Variants in FGFR1OP2 observed in about 807,000 individuals in gnomAD.
FGFR1OP2 encodes FGFR1 oncogene partner 2.
Under a neutral mutation model 35.2 loss-of-function variants are expected in FGFR1OP2, and 17 were observed. That is an observed-to-expected ratio of 0.48 (90% CI 0.33 to 0.73). The LOEUF (loss-of-function observed/expected upper bound fraction) is 0.73, where lower values mean the gene tolerates loss of function less well. FGFR1OP2 is among the 30% of genes least tolerant of loss of function. FGFR1OP2 has a pLI of 0.02. For synonymous variants in FGFR1OP2, 105 were observed against 104.6 expected (o/e 1.00, Z -0.03); for missense variants, 251 against 307.3 (o/e 0.82, Z 1.37).
chr12:26,957,882 T>G (rs1424922955), intron 4 of FGFR1OP2, 139 bp downstream of exon 4: 1 of 615,994 alleles, frequency 1.6e-6, no homozygotes, highest in Non-Finnish European at 2.5e-6. Context: ...TCTTTTTAAT[T>G]GACATTTTCT....
In FGFR1OP2 at chr12:26,960,555, T is replaced by G. The variant is rs1469340670; in HGVS notation, c.437T>G (p.Leu146Arg). 2 of 1,613,638 alleles carry G rather than the reference T, an allele frequency of 1.2e-6. No individual in the cohort carries two copies. Among genetic ancestry groups the G allele is most frequent in the East Asian group, 4.5e-5 (2 of 44,846 alleles). Residue 146 changes from leucine to arginine, a missense_variant, in exon 5 of 7, where the codon CTT (leucine) becomes CGT (arginine). Physicochemically the swap from Leu to Arg is moderately radical, Grantham distance 102. Coordinates refer to ENST00000229395, the MANE Select transcript of FGFR1OP2 (RefSeq NM_015633.3). ...VHRNKSEGFF[L>R]DASRHILEAP... ...CGTAACAAGTCCGAAGGATTCTTCC[T>G]TGATGCATCTCGACACATCCTTGAA...
At chr12:26,961,724 G>C (rs1019637858) in intron 5 of FGFR1OP2, 5 of 152,224 alleles carry the variant, frequency 3.3e-5, no homozygotes, top group African/African-American at 1.2e-4. Flanking sequence ...GCCAACAAGA[G>C]CGAGACTCTG....
intron 2 of FGFR1OP2, among the ~76,000 whole-genome samples, chr12:26,955,401 C>G (rs1939002827): frequency 6.6e-6 from 1 of 152,182 alleles, no homozygotes; most frequent in Admixed American, 6.5e-5. Flanking sequence ...TACACATTTG[C>G]AGGTTATGCA....
At chr12:26,963,831 T>TAAAA (rs1939137138) in intron 6 of FGFR1OP2, among the ~76,000 whole-genome samples, 1 of 152,116 alleles carries the variant, frequency 6.6e-6, no homozygotes, top group South Asian at 2.1e-4. Flanking sequence ...CTGGGGATTC[T>TAAAA]AAAAACCTTT....
intron 4 of FGFR1OP2, among the ~76,000 whole-genome samples, chr12:26,958,582 C>T (rs1411317266): frequency 6.6e-6 from 1 of 152,130 alleles, no homozygotes; most frequent in Non-Finnish European, 1.5e-5. Context: ...GAAGAACCAA[C>T]ATAGTAAAAT....
At chr12:26,941,149 G>A (rs1405906283) in intron 1 of FGFR1OP2, among the ~76,000 whole-genome samples, 4 of 151,894 alleles carry the variant, frequency 2.6e-5, no homozygotes, top group African/African-American at 4.8e-5. Flanking sequence ...ATTTGGACCC[G>A]CCTATAGAAA....
In FGFR1OP2 at chr12:26,965,668, A is replaced by G. The variant is rs1322541732; in HGVS notation, c.*935A>G. 1.3e-5 allele frequency: 2 copies of G among 152,156 alleles called. No homozygotes were observed. The highest frequency in any genetic ancestry group is 6.6e-5 in the Admixed American group (1 of 15,248). The allele number at this position is 152,156 out of a possible 1,614,324, so 9.4% of individuals were successfully genotyped here. A position where few individuals can be genotyped will look rare whatever the true frequency, so the allele number is the denominator to read the frequency against. On this transcript the variant is annotated 3_prime_UTR_variant, in exon 7 of 7. Coordinates refer to ENST00000229395, the MANE Select transcript of FGFR1OP2 (RefSeq NM_015633.3). ...TTAAGTATTCTTGAGATACAAAAAAAAAAAGTAAATACAATTTCAAAAAAA... is the reference window on the plus strand; with the variant it reads ...TTAAGTATTCTTGAGATACAAAAAAGAAAAGTAAATACAATTTCAAAAAAA...
At chr12:26,964,446 A>T in intron 6 of FGFR1OP2, 150 bp from the exon 7 acceptor site, 1 of 707,774 alleles carries the variant, frequency 1.4e-6, no homozygotes, top group East Asian at 2.7e-5. Flanking sequence ...CAAGTTGCCA[A>T]CTGCATATAT....
At position 26,963,362 on chromosome 12, in the gene FGFR1OP2, C is replaced by T. The variant is rs199659193; in HGVS notation, c.531C>T (p.Asp177=). The stretch of plus-strand genomic sequence containing the variant: ...TTCAGGAACTGCAAGCACATGTTGA[C>T]CAGATAACTGAAATGGCAGCAGTAA... ...ANQNELQAHV[D]QITEMAAVMR... is the part of the protein sequence containing the mutation. Residue 177 remains aspartate, a synonymous_variant, in exon 6 of 7, where the codon GAC becomes GAT. Coordinates refer to ENST00000229395, the MANE Select transcript of FGFR1OP2 (RefSeq NM_015633.3). 26 of 1,608,218 alleles carry T rather than the reference C, an allele frequency of 1.6e-5. No homozygotes were observed. The East Asian group carries it at 4.9e-4, about 30-fold the overall frequency.
intron 1 of FGFR1OP2, among the ~76,000 whole-genome samples, chr12:26,942,400 A>G (rs1464921965): frequency 6.6e-6 from 1 of 152,236 alleles, no homozygotes; most frequent in Non-Finnish European, 1.5e-5. Context: ...TGCCCAAATG[A>G]CAGTATAAGG....
intron 1 of FGFR1OP2, among the ~76,000 whole-genome samples, chr12:26,938,934 A>G (rs1018728849): frequency 3.3e-5 from 5 of 152,090 alleles, no homozygotes; most frequent in African/African-American, 4.8e-5. Flanking sequence ...GGAAAGTTCA[A>G]TGAAAAGCCT....
chr12:26,963,226 T>G (rs1189459939), intron 5 of FGFR1OP2, 116 bp from the exon 6 acceptor site: 2 of 564,054 alleles, frequency 3.5e-6, no homozygotes, highest in Non-Finnish European at 6.3e-6. Flanking sequence ...TTATTCATAT[T>G]AAGTGACAAT....
intron 1 of FGFR1OP2, among the ~76,000 whole-genome samples, chr12:26,942,868 A>G (rs1435197750): frequency 6.6e-6 from 1 of 152,050 alleles, no homozygotes; most frequent in Non-Finnish European, 1.5e-5. Context: ...AGTGATTTGA[A>G]ATATTTTCTC....
intron 1 of FGFR1OP2, among the ~76,000 whole-genome samples, chr12:26,940,150 C>T (rs1938708678): frequency 6.6e-6 from 1 of 152,186 alleles, no homozygotes; most frequent in Non-Finnish European, 1.5e-5. Context: ...ATTCAGGCAA[C>T]TCTTCTACTG....
intron 1 of FGFR1OP2, among the ~76,000 whole-genome samples, chr12:26,953,161 G>A (rs1021468275): frequency 2.0e-5 from 3 of 151,384 alleles, no homozygotes; most frequent in African/African-American, 7.3e-5. Context: ...CTACTCGGGA[G>A]GCTGAGGCAG....
At chr12:26,955,417 A>G (rs1381627811) in intron 2 of FGFR1OP2, among the ~76,000 whole-genome samples, 3 of 152,238 alleles carry the variant, frequency 2.0e-5, no homozygotes, top group Non-Finnish European at 4.4e-5. Context: ...ATGCAGTATA[A>G]CCACTACCTG....
At position 26,956,716 on chromosome 12, in the gene FGFR1OP2, G is replaced by A. The variant is rs1014242722; in HGVS notation, c.253+56G>A. ...CATTTCTAGTCTATATTCCTAAATC[G>A]TATTTATTGCTCTTTATCCTGTCCC... On this transcript the variant is annotated intron_variant, in intron 3 of 6. Coordinates refer to ENST00000229395, the MANE Select transcript of FGFR1OP2 (RefSeq NM_015633.3). 35 of 1,044,266 alleles carry A rather than the reference G, an allele frequency of 3.4e-5. 1 individual carries two copies. In the South Asian group the frequency reaches 3.6e-4, roughly 11 times the overall value. The allele number at this position is 1,044,266 out of a possible 1,614,324, so 64.7% of individuals were successfully genotyped here.
intron 6 of FGFR1OP2, among the ~76,000 whole-genome samples, chr12:26,964,373 A>C (rs1458982368): frequency 6.6e-6 from 1 of 152,172 alleles, no homozygotes; most frequent in Non-Finnish European, 1.5e-5. Flanking sequence ...CTTAAGTAAG[A>C]AGGCTTTGCA....
Position 26,957,632 on chromosome 12 carries a change from G to T in FGFR1OP2, c.285G>T (p.Ser95=). 1.2e-6 allele frequency: 2 copies of T among 1,612,518 alleles called. No homozygotes were observed. Among genetic ancestry groups the T allele is most frequent in the Non-Finnish European group, 1.7e-6 (2 of 1,179,416 alleles). The change falls in exon 4 of 7, where the codon TCG becomes TCT. Residue 95 remains serine (S), a synonymous_variant. Coordinates refer to ENST00000229395, the MANE Select transcript of FGFR1OP2 (RefSeq NM_015633.3). ...GTACATCTCTGGAAGAACATCAGTC[G>T]GCCTTGGAACTTATAATGAGCAAGT... ...ELRTSLEEHQ[S]ALELIMSKYR...
Sources: allele counts gnomAD v4.1 joint callset (sites outside exome capture counted in the v4.1 genomes callset), GRCh38; gene constraint gnomAD v4.1.1; transcripts MANE v1.5; gene names NCBI Gene and HGNC (gene_info 2026-07-23, HGNC 2026-07-21).